Variants in CABIN1 observed in about 807,000 individuals in gnomAD.
The protein encoded by CABIN1 is calcineurin-binding protein cabin-1.
CABIN1 carries 133 observed loss-of-function variants against 227.7 expected under a neutral mutation model. The observed-to-expected ratio is 0.58, with a 90% CI of 0.51 to 0.67. The LOEUF (loss-of-function observed/expected upper bound fraction) is 0.67, where lower values mean the gene tolerates loss of function less well. Ranked by LOEUF, CABIN1 falls within the 30% of genes least tolerant of loss-of-function variation. CABIN1 has a pLI of 0.00. For missense variants in CABIN1, 2,408 were observed against 2,852.5 expected (o/e 0.84, Z 3.55); for synonymous variants, 1,086 against 1,155.1 (o/e 0.94, Z 1.21).
Position 24,172,139 on chromosome 22 carries a change from G to A in CABIN1, c.6040+144G>A, listed in dbSNP as rs977134898. ...CCACAGGGTGGCGGGGCAGGTGACC[G>A]CGGGTCCACTCACCAGTCACTGGCA... On this transcript the variant is annotated intron_variant, in intron 34 of 36. Coordinates refer to ENST00000263119, the MANE Select transcript of CABIN1 (RefSeq NM_012295.4). 19 of 975,522 alleles carry A rather than the reference G, an allele frequency of 1.9e-5. No individual in the cohort carries two copies. In the South Asian group the frequency reaches 2.1e-4, roughly 11 times the overall value. The allele number at this position is 975,522 out of a possible 1,614,324, so 60.4% of individuals were successfully genotyped here. A position where few individuals can be genotyped will look rare whatever the true frequency, so the allele number is the denominator to read the frequency against.
At chr22:24,143,861 C>T (rs2044940748) in intron 29 of CABIN1, among the ~76,000 whole-genome samples, 1 of 152,194 alleles carries the variant, frequency 6.6e-6, no homozygotes, top group Non-Finnish European at 1.5e-5. Flanking sequence ...CGCTCTTCCC[C>T]TTGGACAGCA....
chr22:24,071,234 G>A (rs1198795595), intron 17 of CABIN1, 192 bp downstream of exon 17: 13 of 704,364 alleles, frequency 1.8e-5, no homozygotes, highest in East Asian at 1.1e-4. Flanking sequence ...GGGGCTGGTC[G>A]GATCTGGGGA....
chr22:24,163,457 T>A (rs1476115321), intron 29 of CABIN1, among the ~76,000 whole-genome samples: 4 of 152,046 alleles, frequency 2.6e-5, no homozygotes, highest in Non-Finnish European at 5.9e-5. Context: ...GTCCCCAGAA[T>A]CCTATACTGC....
chr22:24,042,784 C>T lies in CABIN1; in HGVS notation c.346-120C>T, dbSNP rs2275981. 0.011 allele frequency: 10,707 copies of T among 954,354 alleles called. 661 individuals carry two copies. The East Asian group carries it at 0.16, about 15-fold the overall frequency. 59.1% of individuals were successfully genotyped at this position (954,354 alleles called of 1,614,324 possible). The stretch of plus-strand genomic sequence containing the variant: ...GGCTGTGCCAGTGCCGTGCTCCTCC[C>T]GTCCCCGGGGTGCATATTCAAGGAG... On this transcript the variant is annotated intron_variant, in intron 5 of 36. Transcript: ENST00000263119.
chr22:24,053,682 A>G (rs1025515984), intron 8 of CABIN1, among the ~76,000 whole-genome samples: 2 of 152,126 alleles, frequency 1.3e-5, no homozygotes, highest in African/African-American at 4.8e-5. Context: ...CCCAGCCTGA[A>G]GCACTGTTCT....
chr22:24,040,681 T>C (rs2037295179), intron 4 of CABIN1, among the ~76,000 whole-genome samples: 1 of 152,252 alleles, frequency 6.6e-6, no homozygotes, highest in Non-Finnish European at 1.5e-5. Flanking sequence ...TCTATGCTCA[T>C]GTGATGAGTT....
At chr22:24,110,766 T>C (rs190208455) in intron 26 of CABIN1, among the ~76,000 whole-genome samples, 123 of 152,330 alleles carry the variant, frequency 8.1e-4, no homozygotes, top group Admixed American at 7.8e-3. Flanking sequence ...TCTGCTGTAA[T>C]TCTTAACTTT....
At chr22:24,072,297 G>A in intron 17 of CABIN1, 57 bp from the exon 18 acceptor site, 1 of 1,598,042 alleles carries the variant, frequency 6.3e-7, no homozygotes, top group Non-Finnish European at 8.6e-7. Flanking sequence ...CCTTCAGTCT[G>A]CCCTGAAGGC....
At chr22:24,034,780 C>T (rs2036747929) in intron 1 of CABIN1, among the ~76,000 whole-genome samples, 2 of 152,226 alleles carry the variant, frequency 1.3e-5, no homozygotes, top group South Asian at 2.1e-4. Context: ...CTTTTGCAGC[C>T]TTCAGACTAG....
chr22:24,099,246 A>G lies in CABIN1; in HGVS notation c.4117+1054A>G, dbSNP rs191556750. On this transcript the variant is annotated intron_variant, in intron 26 of 36. Coordinates refer to ENST00000263119, the MANE Select transcript of CABIN1 (RefSeq NM_012295.4). ...CTCCAACTTTCTGAACTAAGTGGGT[A>G]GGGCTTGAGAGCAGGTTTAAAGAAG... 3.7e-3 allele frequency among the ~76,000 whole-genome samples: 570 copies of G among 152,304 alleles called. 2 individuals carry two copies. The highest frequency in any genetic ancestry group is 6.8e-3 in the Middle Eastern group (2 of 294).
At chr22:24,069,865 CAT>C (rs1487247301) in intron 16 of CABIN1, among the ~76,000 whole-genome samples, 1 of 152,116 alleles carries the variant, frequency 6.6e-6, no homozygotes, top group Non-Finnish European at 1.5e-5. Context: ...GGCAGCTGCA[CAT>C]GTCAAGGTTG....
At chr22:24,059,056 A>G (rs1322348109) in intron 10 of CABIN1, among the ~76,000 whole-genome samples, 171 bp from the exon 11 acceptor site, 5 of 152,240 alleles carry the variant, frequency 3.3e-5, no homozygotes, top group African/African-American at 1.2e-4. Flanking sequence ...CTGGCTCATG[A>G]GGCCCTGGAG....
intron 5 of CABIN1, 21 bp from the exon 6 acceptor site, chr22:24,042,883 C>G (rs1293277316): frequency 1.6e-6 from 2 of 1,280,816 alleles, no homozygotes; most frequent in Admixed American, 4.1e-5. Context: ...TGTGTTTGCC[C>G]TCTGCTTGTG....
At chr22:24,153,616 C>T (rs1484461983) in intron 29 of CABIN1, among the ~76,000 whole-genome samples, 1 of 152,156 alleles carries the variant, frequency 6.6e-6, no homozygotes, top group African/African-American at 2.4e-5. Flanking sequence ...AGTGAGGAAC[C>T]TCCATGCTCA....
intron 16 of CABIN1, 80 bp downstream of exon 16, chr22:24,067,261 G>A (rs1057338580): frequency 2.9e-5 from 41 of 1,434,144 alleles, no homozygotes; most frequent in Admixed American, 9.0e-5. Context: ...GAGGTTCTGC[G>A]GTAGTTCTTA....
chr22:24,150,254 CAG>C (rs2045402873), intron 29 of CABIN1, among the ~76,000 whole-genome samples: 1 of 152,228 alleles, frequency 6.6e-6, no homozygotes, highest in African/African-American at 2.4e-5. Context: ...GTGTGAGTCT[CAG>C]GGCGCTGCAG....
chr22:24,085,155 A>G lies in CABIN1; in HGVS notation c.3263+4A>G. 10 of 1,614,230 alleles carry G rather than the reference A, an allele frequency of 6.2e-6. No individual in the cohort carries two copies. Among genetic ancestry groups the G allele is most frequent in the African/African-American group, 1.3e-5 (1 of 75,068 alleles). ...ACATCTGCATCTGCCCCAATAGGTCAGTGACCAGATCATGAGGCTAGGCTG... is the reference window on the plus strand; with the variant it reads ...ACATCTGCATCTGCCCCAATAGGTCGGTGACCAGATCATGAGGCTAGGCTG... On this transcript the variant is annotated splice_donor_region_variant and intron_variant, in intron 22 of 36. Coordinates refer to ENST00000263119, the MANE Select transcript of CABIN1 (RefSeq NM_012295.4).
chr22:24,168,404 A>G (rs1391364994), intron 32 of CABIN1, 43 bp from the exon 33 acceptor site: 2 of 1,543,594 alleles, frequency 1.3e-6, no homozygotes, highest in Non-Finnish European at 1.8e-6. Flanking sequence ...GAGGCTAACC[A>G]CAATGGCCTG....
At chr22:24,076,777 T>A (rs2040473400) in intron 19 of CABIN1, among the ~76,000 whole-genome samples, 1 of 152,200 alleles carries the variant, frequency 6.6e-6, no homozygotes, top group African/African-American at 2.4e-5. Flanking sequence ...CTTGCACTTG[T>A]CAGTTGTGAT....
Sources: allele counts gnomAD v4.1 joint callset (sites outside exome capture counted in the v4.1 genomes callset), GRCh38; gene constraint gnomAD v4.1.1; transcripts MANE v1.5; gene names NCBI Gene and HGNC (gene_info 2026-07-23, HGNC 2026-07-21).